ANK2: variants seen among roughly 807,000 people sequenced by gnomAD.
ANK2 encodes ankyrin 2.
A neutral mutation model predicts 360.5 loss-of-function variants in ANK2; 83 were observed. That is an observed-to-expected ratio of 0.23 (90% confidence interval 0.19 to 0.28). The LOEUF is 0.28. ANK2 is among the 10% of genes least tolerant of loss of function. The pLI is 1.00. For missense variants in ANK2, 4,201 were observed against 4,795.7 expected, an observed-to-expected ratio of 0.88 and a Z score of 3.66; for synonymous variants, 1,740 against 1,759.5, an observed-to-expected ratio of 0.99 and a Z score of 0.28.
chr4:113,351,173 A>G (rs971027337), intron 37 of ANK2, among the ~76,000 whole-genome samples: 18 of 152,238 alleles, frequency 1.2e-4, no homozygotes, highest in Middle Eastern at 3.4e-3. Flanking sequence ...TTTAAAGTTT[A>G]TTGAATATCA....
In ANK2 at chr4:113,160,063, C is replaced by T. The variant is rs571260275; in HGVS notation, c.85-14353C>T. ...TAACCTAATTAAAGTTAGAGAATGT[C>T]GAGCTGCAGAGCCTGTCTAGTCAAG... On this transcript the variant is annotated intron_variant, in intron 1 of 45. Coordinates refer to ENST00000357077, the MANE Select transcript of ANK2 (RefSeq NM_001148.6). 3.2e-4 allele frequency among the ~76,000 whole-genome samples: 48 copies of T among 152,166 alleles called. 1 individual carries two copies. Among genetic ancestry groups the T allele is most frequent in the Admixed American group, 1.2e-3 (18 of 15,280 alleles).
chr4:112,818,191 C>G (rs557631109), exon 1 of ANK2: 1 of 152,344 alleles, frequency 6.6e-6, no homozygotes, highest in Non-Finnish European at 1.5e-5. Context: ...GGGGGCTCTC[C>G]GAATTGCCCT....
At chr4:113,106,486 C>T (rs931148258) in intron 1 of ANK2, among the ~76,000 whole-genome samples, 1 of 152,172 alleles carries the variant, frequency 6.6e-6, no homozygotes, top group African/African-American at 2.4e-5. Context: ...AATTGAAACC[C>T]TCCACTCTGA....
At chr4:113,013,200 GT>G (rs1209663396) in intron 2 of ANK2, among the ~76,000 whole-genome samples, 4 of 152,094 alleles carry the variant, frequency 2.6e-5, no homozygotes, top group Non-Finnish European at 5.9e-5. Flanking sequence ...TTTATGATTC[GT>G]TCAGAGTGTG....
Position 113,097,838 on chromosome 4 carries a change from ATATGTGTG to A in ANK2, c.84+48028_84+48035del, listed in dbSNP as rs374313870. ...ATAGATAAATTTTCCTCTTGTATAT[ATATGTGTG>A]TGTGTGTGTGTGTGTGTGTGTATAT... is the stretch of plus-strand genomic sequence containing the variant. On this transcript the variant is annotated intron_variant, in intron 1 of 45. Coordinates refer to ENST00000357077, the MANE Select transcript of ANK2 (RefSeq NM_001148.6). Among the ~76,000 whole-genome samples the A allele has an allele frequency of 1.8e-4, 17 of 95,314 alleles. No individual in the cohort carries two copies. In the South Asian group the frequency reaches 2.3e-3, roughly 13 times the overall value. 62.5% of individuals were successfully genotyped at this position (95,314 alleles called of 152,430 possible).
At chr4:112,980,275 A>C (rs1258607980) in intron 2 of ANK2, 2 of 152,464 alleles carry the variant, frequency 1.3e-5, no homozygotes, top group East Asian at 3.9e-4. Context: ...GAGAGTGGGG[A>C]TAGGCCAGGG....
chr4:112,800,699 C>A, the ANK2 span, among the ~76,000 whole-genome samples: 19 of 152,144 alleles, frequency 1.2e-4, no homozygotes, highest in African/African-American at 4.3e-4. Flanking sequence ...TCTTGTTCCC[C>A]AGGCTGGAGT....
chr4:112,993,204 A>G (rs2047396381), intron 2 of ANK2, among the ~76,000 whole-genome samples: 1 of 152,164 alleles, frequency 6.6e-6, no homozygotes, highest in African/African-American at 2.4e-5. Flanking sequence ...GGAATGCTTG[A>G]GGCTGAGAAG....
chr4:112,775,732 A>G, the ANK2 span, among the ~76,000 whole-genome samples: 1 of 152,080 alleles, frequency 6.6e-6, no homozygotes. Context: ...TCATATAGGG[A>G]GACCAACCTA....
intron 1 of ANK2, among the ~76,000 whole-genome samples, chr4:112,866,998 A>G (rs936854327): frequency 6.6e-6 from 1 of 152,044 alleles, no homozygotes. Context: ...CTATAGGTCT[A>G]TTTCCTAGAC....
rs1200325534 is a variant in ANK2 at position 113,382,012 on chromosome 4, A to G, written c.*541A>G. Reference sequence around the variant, plus strand: ...GTAGGAATCCTTCCAAGGAATATCTATGTACAATGTATATAGCTGAAATGC... The same window carrying G: ...GTAGGAATCCTTCCAAGGAATATCTGTGTACAATGTATATAGCTGAAATGC... On this transcript the variant is annotated 3_prime_UTR_variant, in exon 46 of 46. Coordinates refer to ENST00000357077, the MANE Select transcript of ANK2 (RefSeq NM_001148.6). 9.2e-5 allele frequency: 25 copies of G among 271,932 alleles called. 1 individual carries two copies. Among genetic ancestry groups the G allele is most frequent in the South Asian group, 8.1e-4 (18 of 22,340 alleles). The allele number at this position is 271,932 out of a possible 1,614,324, so 16.8% of individuals were successfully genotyped here.
chr4:113,318,596 T>G lies in ANK2; in HGVS notation c.2876T>G (p.Leu959Arg). Residue 959 changes from leucine to arginine, a missense_variant, in exon 26 of 46, where the codon CTT (leucine) becomes CGT (arginine). Coordinates refer to ENST00000357077, the MANE Select transcript of ANK2 (RefSeq NM_001148.6). ...WGTENLDNVALSSSPIHSGFL... is the reference protein window; with the variant it reads ...WGTENLDNVARSSSPIHSGFL... ...ACTGAGAACTTAGACAACGTGGCTC[T>G]TTCTTCTAGTCCTATTCATTCAGGG... 6.2e-7 allele frequency: 1 copy of G among 1,613,100 alleles called. No homozygotes were observed. Among genetic ancestry groups the G allele is most frequent in the East Asian group, 2.2e-5 (1 of 44,862 alleles).
At chr4:112,822,238 T>TAAAAAAAAAAAA (rs1211981767) in intron 1 of ANK2, among the ~76,000 whole-genome samples, 3 of 88,516 alleles carry the variant, frequency 3.4e-5, no homozygotes, top group Non-Finnish European at 7.5e-5. Flanking sequence ...CTGTCTCTAC[T>TAAAAAAAAAAAA]AAAAAAAAAA....
chr4:112,781,321 A>G, the ANK2 span, among the ~76,000 whole-genome samples: 2 of 152,146 alleles, frequency 1.3e-5, no homozygotes, highest in African/African-American at 4.8e-5. Context: ...GCTGCTCGTG[A>G]ACTCCAGACC....
At chr4:112,871,417 G>C (rs960744760) in intron 1 of ANK2, among the ~76,000 whole-genome samples, 2 of 152,118 alleles carry the variant, frequency 1.3e-5, no homozygotes, top group African/African-American at 2.4e-5. Context: ...AACTTCCTTA[G>C]CTCAGGCAAT....
intron 2 of ANK2, among the ~76,000 whole-genome samples, chr4:112,938,519 T>C (rs567980733): frequency 7.7e-4 from 114 of 147,458 alleles, no homozygotes; most frequent in African/African-American, 2.9e-3. Context: ...GTATATTTTT[T>C]GTTTTCCCCA....
intron 36 of ANK2, among the ~76,000 whole-genome samples, chr4:113,349,600 A>C (rs545600176): frequency 6.6e-6 from 1 of 152,138 alleles, no homozygotes. Flanking sequence ...TCAACTGCAC[A>C]GTCACTCTTT....
chr4:113,047,804 T>C (rs937468520), upstream of ANK2, among the ~76,000 whole-genome samples: 1 of 150,852 alleles, frequency 6.6e-6, no homozygotes, highest in Admixed American at 6.6e-5. Context: ...GTGGAGGGAG[T>C]GAGGGGCAGC....
chr4:113,342,099 A>G (rs1415201478), intron 33 of ANK2, among the ~76,000 whole-genome samples, 183 bp downstream of exon 33: 2 of 152,224 alleles, frequency 1.3e-5, no homozygotes, highest in Non-Finnish European at 1.5e-5. Context: ...GACCTATTCA[A>G]TAGGAATGAT....
Sources: allele counts gnomAD v4.1 joint callset (sites outside exome capture counted in the v4.1 genomes callset), GRCh38; gene constraint gnomAD v4.1.1; transcripts MANE v1.5; gene names NCBI Gene and HGNC (gene_info 2026-07-23, HGNC 2026-07-21).